LRP1B: variants seen among roughly 807,000 people sequenced by gnomAD.
LRP1B encodes the protein LDL receptor related protein 1B.
A neutral mutation model predicts 556.6 loss-of-function variants in LRP1B; 217 were observed. The observed-to-expected ratio is 0.39, with a 90% CI of 0.35 to 0.44. The LOEUF (loss-of-function observed/expected upper bound fraction) is 0.44. LRP1B is among the 20% of genes least tolerant of loss of function. The pLI is 1.00. For missense variants in LRP1B, 5,053 were observed against 5,620.8 expected, an observed-to-expected ratio of 0.90 and a Z score of 3.23; for synonymous variants, 2,047 against 1,865.8, an observed-to-expected ratio of 1.10 and a Z score of -2.50.
At chr2:141,548,129 A>C (rs960585679) in intron 2 of LRP1B, among the ~76,000 whole-genome samples, 1 of 152,198 alleles carries the variant, frequency 6.6e-6, no homozygotes, top group Non-Finnish European at 1.5e-5. Flanking sequence ...ATGTAGCTTT[A>C]GATAAAGTTA....
chr2:140,927,244 G>A (rs1424022404), intron 20 of LRP1B, among the ~76,000 whole-genome samples: 1 of 152,164 alleles, frequency 6.6e-6, no homozygotes, highest in African/African-American at 2.4e-5. Flanking sequence ...GGCAGAGATT[G>A]CAATGAGCCA....
chr2:141,827,852 A>G (rs1257495646), intron 1 of LRP1B, among the ~76,000 whole-genome samples: 2 of 152,056 alleles, frequency 1.3e-5, no homozygotes, highest in East Asian at 3.9e-4. Flanking sequence ...CTTTATCTAC[A>G]TATCTATATA....
At chr2:142,126,327 A>G (rs1707650746) in intron 1 of LRP1B, among the ~76,000 whole-genome samples, 1 of 151,586 alleles carries the variant, frequency 6.6e-6, no homozygotes, top group Admixed American at 6.6e-5. Flanking sequence ...CAAAAGTTTC[A>G]TTCATAAAAA....
intron 18 of LRP1B, among the ~76,000 whole-genome samples, chr2:140,963,110 C>T (rs1696086907): frequency 6.6e-6 from 1 of 152,070 alleles, no homozygotes; most frequent in Admixed American, 6.5e-5. Flanking sequence ...ATGCATATAG[C>T]TTCTGTTTTT....
intron 66 of LRP1B, among the ~76,000 whole-genome samples, chr2:140,414,269 A>G (rs1271773400): frequency 1.3e-5 from 2 of 152,128 alleles, no homozygotes; most frequent in Admixed American, 6.6e-5. Context: ...CTCAAGACTC[A>G]AAGTCCTTTG....
intron 19 of LRP1B, among the ~76,000 whole-genome samples, chr2:140,950,826 GTT>G (rs34211812): frequency 5.0e-5 from 7 of 141,278 alleles, no homozygotes; most frequent in African/African-American, 1.8e-4. Flanking sequence ...ATATAAAGTT[GTT>G]TTTTTTTTTT....
At chr2:142,082,600 T>C (rs1020953372) in intron 1 of LRP1B, among the ~76,000 whole-genome samples, 1 of 152,136 alleles carries the variant, frequency 6.6e-6, no homozygotes, top group Non-Finnish European at 1.5e-5. Flanking sequence ...CCTTGGAGTA[T>C]AGTTGTTAAG....
At chr2:140,593,371 G>A (rs1027254493) in intron 43 of LRP1B, among the ~76,000 whole-genome samples, 5 of 152,154 alleles carry the variant, frequency 3.3e-5, no homozygotes, top group African/African-American at 1.2e-4. Context: ...CAGGGAGATA[G>A]GTTATAATCA....
chr2:140,731,328 T>C (rs184060888), intron 35 of LRP1B, among the ~76,000 whole-genome samples: 1 of 152,292 alleles, frequency 6.6e-6, no homozygotes, highest in Non-Finnish European at 1.5e-5. Flanking sequence ...CAGCTTTCCA[T>C]ACATGATAAT....
At position 141,936,046 on chromosome 2, in the gene LRP1B, C is replaced by A. The variant is rs867667789; in HGVS notation, c.83-125645G>T. 4.3e-3 allele frequency among the ~76,000 whole-genome samples: 649 copies of A among 151,774 alleles called. 3 individuals are homozygous for A. Among genetic ancestry groups the A allele is most frequent in the African/African-American group, 0.014 (574 of 41,444 alleles). On this transcript the variant is annotated intron_variant, in intron 1 of 90. Transcript: ENST00000389484. Reference sequence around the variant, plus strand: ...ACTTTTTATGTTAATAACACTGTAGCAAAAAAAGGAGTGGAAAGGAATTTC... The same window carrying A: ...ACTTTTTATGTTAATAACACTGTAGAAAAAAAAGGAGTGGAAAGGAATTTC...
rs1265956997 is a variant in LRP1B at position 140,495,858 on chromosome 2, AAGTC to A, written c.8851-114_8851-111del. ...AAAGCATTTGAAAATAGATAAAGGC[AAGTC>A]TTTCTGTCTCCCAGCATTTGACCTT... On this transcript the variant is annotated intron_variant, in intron 55 of 90. Transcript: ENST00000389484. 27 of 827,572 alleles carry A rather than the reference AAGTC, an allele frequency of 3.3e-5. No homozygotes were observed. The African/African-American group carries it at 4.1e-4, about 12-fold the overall frequency. The allele number at this position is 827,572 out of a possible 1,614,324, so 51.3% of individuals were successfully genotyped here.
chr2:140,405,573 T>C (rs575211995), intron 66 of LRP1B, among the ~76,000 whole-genome samples: 2 of 152,286 alleles, frequency 1.3e-5, no homozygotes, highest in East Asian at 3.9e-4. Context: ...TATGAATACA[T>C]TTATGCATAG....
chr2:140,821,517 C>A (rs559631024), intron 31 of LRP1B, among the ~76,000 whole-genome samples: 31 of 152,166 alleles, frequency 2.0e-4, no homozygotes, highest in Non-Finnish European at 3.8e-4. Flanking sequence ...AACAAGGAAA[C>A]ATATCCAAGA....
chr2:140,953,227 A>G (rs1329327834), intron 18 of LRP1B, among the ~76,000 whole-genome samples: 1 of 152,078 alleles, frequency 6.6e-6, no homozygotes, highest in Non-Finnish European at 1.5e-5. Context: ...AGTAGCTGGG[A>G]CTATAGGTGC....
chr2:141,182,330 C>A (rs1029824191), intron 7 of LRP1B, among the ~76,000 whole-genome samples: 1 of 151,872 alleles, frequency 6.6e-6, no homozygotes, highest in African/African-American at 2.4e-5. Flanking sequence ...ATAATTAATA[C>A]AAATTTATAA....
chr2:141,888,645 A>C (rs993904827), intron 1 of LRP1B, among the ~76,000 whole-genome samples: 9 of 152,214 alleles, frequency 5.9e-5, no homozygotes, highest in African/African-American at 1.7e-4. Flanking sequence ...TAAAAGATGA[A>C]AAGCATATTC....
chr2:140,315,515 T>G (rs975676008), intron 82 of LRP1B, among the ~76,000 whole-genome samples: 2 of 152,218 alleles, frequency 1.3e-5, no homozygotes, highest in Non-Finnish European at 2.9e-5. Context: ...TGGGCTCCAG[T>G]GATCCTCCCA....
At chr2:140,991,044 CAA>C (rs1697077973) in intron 16 of LRP1B, among the ~76,000 whole-genome samples, 1 of 151,608 alleles carries the variant, frequency 6.6e-6, no homozygotes. Flanking sequence ...AGTAAAAAAA[CAA>C]AACAAAACAA....
chr2:141,474,664 G>C (rs1307465796), intron 3 of LRP1B, among the ~76,000 whole-genome samples: 1 of 152,036 alleles, frequency 6.6e-6, no homozygotes, highest in Non-Finnish European at 1.5e-5. Context: ...TTAAGGAGTT[G>C]GTTGTTATAT....
Sources: allele counts gnomAD v4.1 joint callset (sites outside exome capture counted in the v4.1 genomes callset), GRCh38; gene constraint gnomAD v4.1.1; transcripts MANE v1.5; gene names NCBI Gene and HGNC (gene_info 2026-07-23, HGNC 2026-07-21).